IGSF5: variants seen among roughly 807,000 people sequenced by gnomAD.
IGSF5 encodes the protein immunoglobulin superfamily member 5.
A neutral mutation model predicts 39.4 loss-of-function variants in IGSF5; 41 were observed. The ratio of observed to expected loss-of-function variants is 1.04; its 90% CI spans 0.81 to 1.35. The LOEUF (loss-of-function observed/expected upper bound fraction) is 1.35. Ranked by LOEUF, IGSF5 falls within the 40% of genes most tolerant of loss-of-function variation. IGSF5 has a pLI of 0.00. For missense variants in IGSF5, 487 were observed against 494.6 expected (o/e 0.98, Z 0.15); for synonymous variants, 183 against 175.3 (o/e 1.04, Z -0.34).
chr21:39,772,921 AG>A (rs1455703964), intron 4 of IGSF5, among the ~76,000 whole-genome samples: 2 of 152,236 alleles, frequency 1.3e-5, no homozygotes, highest in Non-Finnish European at 2.9e-5. Flanking sequence ...TGTAGCCAAT[AG>A]ATATTGTGGG....
At position 39,745,496 on chromosome 21, in the gene IGSF5, G is replaced by C. The variant is rs746351942; in HGVS notation, c.-14G>C. ...CTATACTTTCAAGAAAGTCGTGTTCGGGACCCAGGAGGTATGGGTCAGAAG... is the reference window on the plus strand; with the variant it reads ...CTATACTTTCAAGAAAGTCGTGTTCCGGACCCAGGAGGTATGGGTCAGAAG... On this transcript the variant is annotated 5_prime_UTR_variant, in exon 1 of 9. Coordinates refer to ENST00000380588, the MANE Select transcript of IGSF5 (RefSeq NM_001080444.2). 3 of 716,096 alleles carry C rather than the reference G, an allele frequency of 4.2e-6. No homozygotes were observed. The South Asian group carries it at 4.4e-5, about 11-fold the overall frequency. 44.4% of individuals were successfully genotyped at this position (716,096 alleles called of 1,614,324 possible).
At position 39,746,287 on chromosome 21, in the gene IGSF5, C is replaced by T; in HGVS notation, c.89C>T (p.Ala30Val). ...GCGGGTCTGCGATGGTGGCAAACAG[C>T]AGTGGTGGACGGTGAGTGAAAGCTC... ...SAAGLRWWQTAVVDGSGSGNE... is the reference protein window; with the variant it reads ...SAAGLRWWQTVVVDGSGSGNE... The change falls in exon 2 of 9, where the codon GCA (alanine) becomes GTA (valine). Residue 30 changes from alanine (A) to valine (V), a missense_variant. Coordinates refer to ENST00000380588, the MANE Select transcript of IGSF5 (RefSeq NM_001080444.2). 1.4e-6 allele frequency: 1 copy of T among 701,042 alleles called. No homozygotes were observed. Among genetic ancestry groups the T allele is most frequent in the Non-Finnish European group, 2.6e-6 (1 of 384,708 alleles). The allele number at this position is 701,042 out of a possible 1,614,324, so 43.4% of individuals were successfully genotyped here.
In IGSF5 at chr21:39,765,794, C is replaced by T; in HGVS notation, c.360C>T (p.Asn120=). ...ATGTGGAGCCCAGTGATTCGGGGAA[C>T]ATCAGATGCAGCCTCCAGAACAGTC... The part of the protein sequence containing the change: ...IHNVEPSDSG[N]IRCSLQNSRL... Residue 120 remains asparagine (N), a synonymous_variant, in exon 3 of 9, where the codon AAC becomes AAT. Coordinates refer to ENST00000380588, the MANE Select transcript of IGSF5 (RefSeq NM_001080444.2). The T allele has an allele frequency of 1.2e-6, 2 of 1,614,112 alleles. No individual in the cohort carries two copies. The highest frequency in any genetic ancestry group is 8.5e-7 in the Non-Finnish European group (1 of 1,180,010).
At chr21:39,797,787 T>C (rs965104119) in intron 8 of IGSF5, among the ~76,000 whole-genome samples, 8 of 152,318 alleles carry the variant, frequency 5.3e-5, no homozygotes, top group Admixed American at 4.6e-4. Context: ...TCCCAAAGCA[T>C]TGGGATTATA....
At chr21:39,754,590 G>C (rs141641758) in intron 2 of IGSF5, among the ~76,000 whole-genome samples, 1 of 152,130 alleles carries the variant, frequency 6.6e-6, no homozygotes, top group Non-Finnish European at 1.5e-5. Flanking sequence ...TTTGCCTCTC[G>C]TCAGGACAGG....
At chr21:39,715,625 C>G in the IGSF5 span, among the ~76,000 whole-genome samples, 113 of 152,186 alleles carry the variant, frequency 7.4e-4, no homozygotes, top group African/African-American at 2.6e-3. Context: ...AGGTAGTGTC[C>G]TAGATTCTGA....
At chr21:39,790,650 C>A (rs1411115796) in intron 6 of IGSF5, among the ~76,000 whole-genome samples, 1 of 152,086 alleles carries the variant, frequency 6.6e-6, no homozygotes, top group Non-Finnish European at 1.5e-5. Context: ...AGAGTGAGAC[C>A]TTGTCACCAA....
At chr21:39,714,440 C>A in the IGSF5 span, among the ~76,000 whole-genome samples, 1 of 152,208 alleles carries the variant, frequency 6.6e-6, no homozygotes, top group East Asian at 1.9e-4. Flanking sequence ...TCTTACTCTG[C>A]AGAACAAGGA....
chr21:39,759,288 T>C (rs1221230084), intron 2 of IGSF5, among the ~76,000 whole-genome samples: 6 of 152,192 alleles, frequency 3.9e-5, no homozygotes, highest in Non-Finnish European at 8.8e-5. Context: ...GGTGTCAAAA[T>C]GTGTTTGGGG....
At chr21:39,797,402 A>G (rs2087002331) in intron 8 of IGSF5, among the ~76,000 whole-genome samples, 1 of 152,030 alleles carries the variant, frequency 6.6e-6, no homozygotes, top group African/African-American at 2.4e-5. Flanking sequence ...TATTTTTAGT[A>G]GAGACAGCAT....
chr21:39,794,973 TTGA>T (rs1198670597), intron 8 of IGSF5, among the ~76,000 whole-genome samples: 1 of 152,120 alleles, frequency 6.6e-6, no homozygotes, highest in African/African-American at 2.4e-5. Flanking sequence ...GGAGTGCTGA[TTGA>T]TGCTCAGTCA....
intron 2 of IGSF5, among the ~76,000 whole-genome samples, chr21:39,760,729 C>G (rs2080057567): frequency 6.6e-6 from 1 of 152,052 alleles, no homozygotes; most frequent in African/African-American, 2.4e-5. Context: ...TGCCACCACG[C>G]CCAGCTAATT....
At chr21:39,731,757 A>T in the IGSF5 span, among the ~76,000 whole-genome samples, 1 of 152,092 alleles carries the variant, frequency 6.6e-6, no homozygotes. Context: ...TCTGTCTAAC[A>T]CCTTGATGTT....
chr21:39,738,700 G>A, the IGSF5 span, among the ~76,000 whole-genome samples: 25 of 152,050 alleles, frequency 1.6e-4, no homozygotes, highest in East Asian at 4.1e-3. The surrounding 1 kb of genome is among the most constrained non-coding windows in gnomAD (Gnocchi z 6.4). Flanking sequence ...CACTGGGCGA[G>A]TAGACACACA....
At chr21:39,795,865 A>G (rs1189426191) in intron 8 of IGSF5, among the ~76,000 whole-genome samples, 1 of 152,090 alleles carries the variant, frequency 6.6e-6, no homozygotes. Flanking sequence ...GCCCTTAAGA[A>G]ACAAATCAGG....
chr21:39,786,364 C>T (rs1247468441), intron 5 of IGSF5, among the ~76,000 whole-genome samples: 3 of 148,350 alleles, frequency 2.0e-5, no homozygotes, highest in Non-Finnish European at 4.5e-5. Flanking sequence ...AAAATGCTCA[C>T]CATCACTGGC....
chr21:39,794,547 T>C (rs191183906), intron 8 of IGSF5, among the ~76,000 whole-genome samples: 1 of 152,288 alleles, frequency 6.6e-6, no homozygotes, highest in Non-Finnish European at 1.5e-5. Context: ...TGAATGAGAG[T>C]TCATTTTCTA....
intron 5 of IGSF5, among the ~76,000 whole-genome samples, chr21:39,785,147 C>T (rs558520029): frequency 6.6e-6 from 1 of 151,874 alleles, no homozygotes; most frequent in East Asian, 1.9e-4. Context: ...CCCATTAACT[C>T]GTCATTTAAT....
intron 4 of IGSF5, among the ~76,000 whole-genome samples, chr21:39,775,402 G>A (rs561395542): frequency 2.0e-5 from 3 of 152,328 alleles, no homozygotes; most frequent in African/African-American, 7.2e-5. Context: ...AGTGGGCACA[G>A]GGATATGCTT....
Sources: gnomAD v4.1 joint callset for allele counts (sites outside exome capture counted in the v4.1 genomes callset) on GRCh38, gnomAD v4.1.1 for gene constraint, Gnocchi (gnomAD v3.1) non-coding constraint, MANE v1.5 for transcripts, NCBI Gene and HGNC (gene_info 2026-07-23, HGNC 2026-07-21) for gene names.